CEP63: variants seen among roughly 807,000 people sequenced by gnomAD.
The protein encoded by CEP63 is centrosomal protein of 63 kDa.
Under a neutral mutation model 89.1 loss-of-function variants are expected in CEP63, and 84 were observed. That is an observed-to-expected ratio of 0.94 (90% CI 0.79 to 1.13). The LOEUF (loss-of-function observed/expected upper bound fraction) is 1.13. CEP63 is among the 50% of genes most tolerant of loss of function. CEP63 has a pLI of 0.00. For missense variants in CEP63, 838 were observed against 813.3 expected (o/e 1.03, Z -0.37); for synonymous variants, 267 against 272.5 (o/e 0.98, Z 0.20).
At chr3:134,683,656 G>C in the CEP63 span, among the ~76,000 whole-genome samples, 1 of 151,868 alleles carries the variant, frequency 6.6e-6, no homozygotes, top group Non-Finnish European at 1.5e-5. Flanking sequence ...TCAGACATGG[G>C]GTTTGAATGA....
At chr3:134,704,386 A>G in the CEP63 span, among the ~76,000 whole-genome samples, 3 of 152,272 alleles carry the variant, frequency 2.0e-5, no homozygotes, top group Admixed American at 6.5e-5. Flanking sequence ...CCTAACATCC[A>G]GTAGACATTT....
At chr3:134,695,648 G>C in the CEP63 span, among the ~76,000 whole-genome samples, 1 of 152,176 alleles carries the variant, frequency 6.6e-6, no homozygotes, top group Non-Finnish European at 1.5e-5. Flanking sequence ...AGGGGCTCTG[G>C]ACCGTACCCA....
chr3:134,488,648 A>G (rs1453593274), intron 1 of CEP63, among the ~76,000 whole-genome samples: 1 of 152,070 alleles, frequency 6.6e-6, no homozygotes, highest in Non-Finnish European at 1.5e-5. Context: ...CCTCCCCCAA[A>G]ACATTTCATA....
chr3:134,772,902 AG>A, the CEP63 span, among the ~76,000 whole-genome samples: 1 of 152,208 alleles, frequency 6.6e-6, no homozygotes, highest in African/African-American at 2.4e-5. Flanking sequence ...GGCAAGGAGA[AG>A]GGAATTTGGC....
At chr3:134,702,847 G>T in the CEP63 span, among the ~76,000 whole-genome samples, 1 of 152,122 alleles carries the variant, frequency 6.6e-6, no homozygotes, top group African/African-American at 2.4e-5. Flanking sequence ...GGGGAAAAAG[G>T]AATGCTTTTA....
At chr3:134,495,214 A>G (rs2108041200) in intron 1 of CEP63, 82 bp from the exon 2 acceptor site, 2 of 990,096 alleles carry the variant, frequency 2.0e-6, no homozygotes, top group African/African-American at 1.6e-5. Flanking sequence ...GTATGCTTTC[A>G]TTCACATTCT....
chr3:134,607,924 G>T, the CEP63 span: 1 of 992,080 alleles, frequency 1.0e-6, no homozygotes, highest in Non-Finnish European at 1.2e-6. Flanking sequence ...GAGTTTGGAG[G>T]CTGGGGGCTT....
the CEP63 span, among the ~76,000 whole-genome samples, chr3:134,746,343 C>T: frequency 6.6e-6 from 1 of 152,076 alleles, no homozygotes. Context: ...TGGGTTGGTT[C>T]CAAGTCTTTG....
At chr3:134,758,201 G>C in the CEP63 span, among the ~76,000 whole-genome samples, 2 of 152,202 alleles carry the variant, frequency 1.3e-5, no homozygotes, top group Non-Finnish European at 2.9e-5. Context: ...AACTCTGATT[G>C]TAAGTGCCAT....
At chr3:134,547,651 C>A (rs1330399373) in intron 9 of CEP63, among the ~76,000 whole-genome samples, 179 bp downstream of exon 9, 1 of 66,996 alleles carries the variant, frequency 1.5e-5, no homozygotes, top group African/African-American at 3.8e-5. Context: ...CGCTCTGTCA[C>A]CCAGACTGGA....
At chr3:134,500,748 G>A (rs774828623) in intron 2 of CEP63, among the ~76,000 whole-genome samples, 3 of 152,128 alleles carry the variant, frequency 2.0e-5, no homozygotes, top group Non-Finnish European at 2.9e-5. Context: ...TTTGTTGGAT[G>A]CATGGTTTGC....
the CEP63 span, among the ~76,000 whole-genome samples, chr3:134,760,969 G>C: frequency 6.6e-6 from 1 of 151,450 alleles, no homozygotes; most frequent in Non-Finnish European, 1.5e-5. Context: ...AGGTATTCAG[G>C]TTTAATCCTC....
rs869231096 is a variant in CEP63 at position 134,535,500 on chromosome 3, C to CTTTTT, written c.442-1648_442-1644dup. 1.5e-4 allele frequency: 21 copies of CTTTTT among 143,300 alleles called. 2 individuals are homozygous for CTTTTT. Among genetic ancestry groups the CTTTTT allele is most frequent in the East Asian group, 4.1e-4 (2 of 4,916 alleles). 8.9% of individuals were successfully genotyped at this position (143,300 alleles called of 1,614,324 possible). On this transcript the variant is annotated intron_variant, in intron 5 of 14. Coordinates refer to ENST00000675561, the MANE Select transcript of CEP63 (RefSeq NM_001353108.3). ...GTCATGTCATTGGACCTTTCCTTTC[C>CTTTTT]TTTTTTTTTTTCCTATCTACGCTCA...
At chr3:134,643,483 A>C in the CEP63 span, 1 of 861,516 alleles carries the variant, frequency 1.2e-6, no homozygotes, top group South Asian at 1.5e-5. Context: ...GGCGGGGGCC[A>C]AGCACATCCC....
the CEP63 span, among the ~76,000 whole-genome samples, chr3:134,723,076 T>C: frequency 6.6e-6 from 1 of 152,220 alleles, no homozygotes; most frequent in Non-Finnish European, 1.5e-5. Context: ...CTGTGGCACT[T>C]CCAGTTACCT....
At chr3:134,610,268 C>G in the CEP63 span, 1 of 1,613,978 alleles carries the variant, frequency 6.2e-7, no homozygotes, top group African/African-American at 1.3e-5. Context: ...TGCCATCTTC[C>G]CTCCAGGTAC....
the CEP63 span, among the ~76,000 whole-genome samples, chr3:134,688,188 G>T: frequency 3.3e-5 from 5 of 152,156 alleles, no homozygotes; most frequent in African/African-American, 4.8e-5. Context: ...GGTGAATGTA[G>T]AAACAAAATG....
chr3:134,512,106 C>T (rs530294730), intron 3 of CEP63, among the ~76,000 whole-genome samples: 7 of 152,314 alleles, frequency 4.6e-5, no homozygotes, highest in African/African-American at 1.7e-4. Context: ...GTATATCCAT[C>T]TTTTGCTGAG....
chr3:134,718,011 T>C, the CEP63 span, among the ~76,000 whole-genome samples: 1 of 152,230 alleles, frequency 6.6e-6, no homozygotes. Context: ...TACTTTTTCT[T>C]TGGAGAATCA....
Sources: allele counts gnomAD v4.1 joint callset (sites outside exome capture counted in the v4.1 genomes callset), GRCh38; gene constraint gnomAD v4.1.1; transcripts MANE v1.5; gene names NCBI Gene and HGNC (gene_info 2026-07-23, HGNC 2026-07-21).